Variants in HTR1E observed in about 807,000 individuals in gnomAD.
The protein encoded by HTR1E is 5-hydroxytryptamine receptor 1E, also known as 5-HT-1E.
In HTR1E, 3 loss-of-function variants were observed where a neutral mutation model predicts 3.4. The ratio of observed to expected loss-of-function variants is 0.89; its 90% confidence interval spans 0.41 to 2.31. The LOEUF (loss-of-function observed/expected upper bound fraction) is 2.31, where lower values mean the gene tolerates loss of function less well. Ranked by LOEUF, HTR1E falls within the 30% of genes most tolerant of loss-of-function variation. The probability of loss-of-function intolerance (pLI) is 0.05; values close to 1 mark genes in which losing one functional copy is unlikely to be tolerated. For synonymous variants in HTR1E, 170 were observed against 182.8 expected, an observed-to-expected ratio of 0.93 and a Z score of 0.56; for missense variants, 392 against 467.0, an observed-to-expected ratio of 0.84 and a Z score of 1.48.
chr6:86,956,869 T>C (rs1276220496), intron 1 of HTR1E, among the ~76,000 whole-genome samples: 1 of 152,226 alleles, frequency 6.6e-6, no homozygotes, highest in East Asian at 1.9e-4. Context: ...CTCCACTAAC[T>C]TCAGAGTCTT....
intron 1 of HTR1E, among the ~76,000 whole-genome samples, chr6:86,945,486 G>A (rs531734635): frequency 1.7e-4 from 26 of 151,896 alleles, no homozygotes; most frequent in Middle Eastern, 6.8e-3. Context: ...CAAATGATTC[G>A]CCCGCCTCAG....
At chr6:86,985,629 T>C (rs1187941510) in intron 1 of HTR1E, among the ~76,000 whole-genome samples, 2 of 152,238 alleles carry the variant, frequency 1.3e-5, no homozygotes, top group Non-Finnish European at 2.9e-5. Flanking sequence ...AGAGACAGCA[T>C]CAGGACAACC....
rs145082201 is a variant in HTR1E, at chr6:87,007,433, T to C, written c.-185-7717T>C. On this transcript the variant is annotated intron_variant, in intron 1 of 1. Transcript: ENST00000305344. ...ATTTGATATCACAACAGGGTGACTA[T>C]AGTCAACAATAATTTATTCTAAATT... Among the ~76,000 whole-genome samples the C allele has an allele frequency of 2.2e-3, 342 of 152,320 alleles. 5 individuals are homozygous for C. The highest frequency in any genetic ancestry group is 7.9e-3 in the African/African-American group (329 of 41,562).
intron 1 of HTR1E, among the ~76,000 whole-genome samples, chr6:87,010,070 C>A (rs1228479278): frequency 2.3e-5 from 3 of 131,748 alleles, no homozygotes; most frequent in Non-Finnish European, 4.8e-5. Context: ...CTGACCCCCC[C>A]ACCTCCCTCC....
chr6:86,974,787 T>C (rs535497944), intron 1 of HTR1E, among the ~76,000 whole-genome samples: 11 of 152,336 alleles, frequency 7.2e-5, no homozygotes, highest in Admixed American at 3.9e-4. Flanking sequence ...TTTATTTTAT[T>C]CTATAAGCTC....
chr6:86,984,320 T>C (rs562842020), intron 1 of HTR1E, among the ~76,000 whole-genome samples: 1 of 152,320 alleles, frequency 6.6e-6, no homozygotes, highest in South Asian at 2.1e-4. Flanking sequence ...ATGTGGATGT[T>C]TTCCACAAAA....
chr6:86,953,343 T>G (rs1767272003), intron 1 of HTR1E, among the ~76,000 whole-genome samples: 1 of 152,220 alleles, frequency 6.6e-6, no homozygotes, highest in African/African-American at 2.4e-5. Context: ...GGTAGTTTTC[T>G]CTTTATTTAA....
chr6:87,001,870 G>C (rs1344014677), intron 1 of HTR1E, among the ~76,000 whole-genome samples: 1 of 152,266 alleles, frequency 6.6e-6, no homozygotes, highest in East Asian at 1.9e-4. Context: ...TATTGGGTCA[G>C]TTTCAACTTC....
chr6:87,002,611 A>T (rs372909222), intron 1 of HTR1E, among the ~76,000 whole-genome samples: 4 of 151,800 alleles, frequency 2.6e-5, no homozygotes, highest in African/African-American at 9.7e-5. Flanking sequence ...TGATAGTGCT[A>T]ATTGGTGTGT....
intron 1 of HTR1E, among the ~76,000 whole-genome samples, chr6:86,992,721 C>T (rs893176812): frequency 2.0e-5 from 3 of 152,136 alleles, no homozygotes; most frequent in Non-Finnish European, 4.4e-5. Context: ...CAAATGCTGT[C>T]CCATTTAATT....
chr6:86,960,502 C>CAGT lies in HTR1E; in HGVS notation c.-186+22679_-186+22680insAGT, dbSNP rs1342616141. Among the ~76,000 whole-genome samples the CAGT allele has an allele frequency of 1.8e-3, 278 of 152,286 alleles. 2 individuals carry two copies. Among genetic ancestry groups the CAGT allele is most frequent in the Middle Eastern group, 0.01 (3 of 294 alleles). ...TATATTTGGGGTTTACATTATTCCA[C>CAGT]CTGGTGAACTTCACCAGTTAGACTC... On this transcript the variant is annotated intron_variant, in intron 1 of 1. Transcript: ENST00000305344.
chr6:86,992,214 G>A (rs1767878501), intron 1 of HTR1E, among the ~76,000 whole-genome samples: 1 of 152,186 alleles, frequency 6.6e-6, no homozygotes, highest in South Asian at 2.1e-4. Context: ...GAATGCAACT[G>A]ATTTAAAGGG....
chr6:87,014,955 TA>T (rs571364580), intron 1 of HTR1E, among the ~76,000 whole-genome samples, 194 bp from the exon 2 acceptor site: 1 of 150,210 alleles, frequency 6.7e-6, no homozygotes, highest in South Asian at 2.1e-4. Context: ...AAGTATAATT[TA>T]AAAAAAAACA....
At chr6:86,983,869 T>A (rs1767748042) in intron 1 of HTR1E, among the ~76,000 whole-genome samples, 1 of 152,126 alleles carries the variant, frequency 6.6e-6, no homozygotes, top group African/African-American at 2.4e-5. Context: ...TTTTCAAAAA[T>A]AACCAATATA....
intron 1 of HTR1E, among the ~76,000 whole-genome samples, chr6:86,979,586 T>C (rs1767683392): frequency 6.6e-6 from 1 of 152,144 alleles, no homozygotes; most frequent in African/African-American, 2.4e-5. Context: ...TTGGAAAACA[T>C]AACAAGTAAA....
At chr6:86,950,178 T>C (rs1488266419) in intron 1 of HTR1E, among the ~76,000 whole-genome samples, 2 of 152,232 alleles carry the variant, frequency 1.3e-5, no homozygotes, top group East Asian at 1.9e-4. Flanking sequence ...TCCCTTGAAT[T>C]ATACAAAATT....
intron 1 of HTR1E, among the ~76,000 whole-genome samples, chr6:86,977,861 T>G (rs1767661781): frequency 6.6e-6 from 1 of 152,202 alleles, no homozygotes; most frequent in African/African-American, 2.4e-5. Flanking sequence ...TATCACTCCC[T>G]TTAAGAAGTG....
At chr6:87,010,005 G>A (rs1281961883) in intron 1 of HTR1E, among the ~76,000 whole-genome samples, 21 of 131,116 alleles carry the variant, frequency 1.6e-4, no homozygotes, top group African/African-American at 2.1e-4. Flanking sequence ...CTGGCCGGGC[G>A]GAGGGCTGAC....
In HTR1E at chr6:87,015,995, C is replaced by T; in HGVS notation, c.661C>T (p.His221Tyr). 6.2e-7 allele frequency: 1 copy of T among 1,614,236 alleles called. No individual in the cohort carries two copies. Among genetic ancestry groups the T allele is most frequent in the Non-Finnish European group, 8.5e-7 (1 of 1,180,044 alleles). The change falls in exon 2 of 2, where the codon CAC becomes TAC. Residue 221 changes from histidine (H) to tyrosine (Y), a missense_variant. By Grantham distance (83) the His-to-Tyr change is moderately conservative. This residue lies in a region of HTR1E where 178 missense variants were observed against 164.9 expected (regional missense o/e 1.08). Coordinates refer to ENST00000305344, the MANE Select transcript of HTR1E (RefSeq NM_000865.3). The stretch of plus-strand genomic sequence containing the variant: ...TTACCAGAAAAGGGGATCAAGTCGG[C>T]ACTTAAGCAACAGAAGCACAGATAG... The part of the protein sequence containing the change: ...SLYQKRGSSR[H>Y]LSNRSTDSQN...
Sources: allele counts gnomAD v4.1 joint callset (sites outside exome capture counted in the v4.1 genomes callset), GRCh38; gene constraint gnomAD v4.1.1; regional missense constraint gnomAD v4.1.1; transcripts MANE v1.5; gene names NCBI Gene and HGNC (gene_info 2026-07-23, HGNC 2026-07-21).